GULP1: variants seen among roughly 807,000 people sequenced by gnomAD.
GULP1 encodes PTB domain-containing engulfment adapter protein 1.
Under a neutral mutation model 40.9 loss-of-function variants are expected in GULP1, and 19 were observed. The ratio of observed to expected loss-of-function variants is 0.46; its 90% CI spans 0.32 to 0.68. The LOEUF (loss-of-function observed/expected upper bound fraction) is 0.68. Ranked by LOEUF, GULP1 falls within the 30% of genes least tolerant of loss-of-function variation. The pLI, the probability that GULP1 is intolerant of heterozygous loss-of-function variation, is 0.03. For synonymous variants in GULP1, 119 were observed against 117.6 expected, an observed-to-expected ratio of 1.01 and a Z score of -0.08; for missense variants, 312 against 362.2, an observed-to-expected ratio of 0.86 and a Z score of 1.12.
chr2:188,586,933 G>A (rs996206367), intron 10 of GULP1, among the ~76,000 whole-genome samples: 1 of 151,638 alleles, frequency 6.6e-6, no homozygotes, highest in Non-Finnish European at 1.5e-5. Context: ...TGTGCACATT[G>A]TGCAGGTTAG....
intron 4 of GULP1, among the ~76,000 whole-genome samples, chr2:188,511,910 T>C (rs939403180): frequency 2.6e-5 from 4 of 152,206 alleles, no homozygotes; most frequent in Admixed American, 2.6e-4. Context: ...ATTTAAAGTA[T>C]AACCTTTTGT....
chr2:188,553,418 G>A (rs1407455225), intron 7 of GULP1, among the ~76,000 whole-genome samples: 3 of 152,010 alleles, frequency 2.0e-5, no homozygotes, highest in Non-Finnish European at 4.4e-5. Context: ...TGTCTATTGA[G>A]ATGATTATTT....
chr2:188,377,631 G>A (rs1303030876), intron 1 of GULP1, among the ~76,000 whole-genome samples: 1 of 152,080 alleles, frequency 6.6e-6, no homozygotes, highest in African/African-American at 2.4e-5. Context: ...CCAAACTTTC[G>A]ATTAGGGATT....
In GULP1 at chr2:188,329,787, G is replaced by A. The variant is rs575847628; in HGVS notation, c.-172+37621G>A. Among the ~76,000 whole-genome samples, 30 of 152,246 alleles carry A rather than the reference G, an allele frequency of 2.0e-4. No individual in the cohort carries two copies. In the South Asian group the frequency reaches 5.8e-3, roughly 29 times the overall value. On this transcript the variant is annotated intron_variant, in intron 1 of 11. Transcript: ENST00000409830. ...TGTAGAAGCAAAGATAGTGAGAAGC[G>A]ATGGGGTTCGTGATGTATTTTGGCA...
intron 2 of GULP1, among the ~76,000 whole-genome samples, chr2:188,476,608 T>G (rs2061031738): frequency 6.6e-6 from 1 of 152,088 alleles, no homozygotes; most frequent in African/African-American, 2.4e-5. Context: ...AGCAAAATAT[T>G]TTAATTCTAA....
intron 7 of GULP1, among the ~76,000 whole-genome samples, chr2:188,565,207 A>G (rs2153421977): frequency 1.3e-5 from 2 of 152,156 alleles, no homozygotes; most frequent in East Asian, 3.9e-4. Context: ...AATGGACTTT[A>G]TCAAAAATAA....
intron 2 of GULP1, among the ~76,000 whole-genome samples, chr2:188,444,604 C>T (rs1045287741): frequency 6.6e-5 from 10 of 152,212 alleles, no homozygotes; most frequent in Admixed American, 2.0e-4. Context: ...CTTTCTCTCA[C>T]AGCCACTTGG....
intron 4 of GULP1, among the ~76,000 whole-genome samples, chr2:188,513,622 T>C (rs1010319173): frequency 6.6e-6 from 1 of 152,152 alleles, no homozygotes; most frequent in Non-Finnish European, 1.5e-5. Flanking sequence ...GTGTTCTCAT[T>C]TTTCTTAGTG....
intron 7 of GULP1, among the ~76,000 whole-genome samples, chr2:188,544,833 T>C (rs1336609232): frequency 6.6e-6 from 1 of 152,006 alleles, no homozygotes; most frequent in Non-Finnish European, 1.5e-5. Flanking sequence ...AGAATATTAG[T>C]TGAAAACTTT....
At chr2:188,517,118 A>T (rs922030773) in intron 4 of GULP1, among the ~76,000 whole-genome samples, 4 of 151,008 alleles carry the variant, frequency 2.6e-5, no homozygotes, top group African/African-American at 9.7e-5. Flanking sequence ...ATAAAACATT[A>T]TTTTTTTTTA....
intron 1 of GULP1, among the ~76,000 whole-genome samples, chr2:188,364,948 A>ATATATGTGTATATATGAT (rs1388052057): frequency 5.2e-4 from 79 of 151,924 alleles, no homozygotes; most frequent in Non-Finnish European, 9.9e-4. Flanking sequence ...ATATACACAC[A>ATATATGTGTATATATGAT]CACACTTGGG....
At chr2:188,369,051 C>A (rs922830822) in intron 1 of GULP1, among the ~76,000 whole-genome samples, 53 of 148,274 alleles carry the variant, frequency 3.6e-4, no homozygotes, top group Non-Finnish European at 1.2e-4. Context: ...CAACCTGCCT[C>A]CTAGATTCAA....
At chr2:188,366,742 C>T (rs530429128) in intron 1 of GULP1, among the ~76,000 whole-genome samples, 96 of 151,908 alleles carry the variant, frequency 6.3e-4, no homozygotes, top group African/African-American at 2.1e-3. Flanking sequence ...TACAGGCGCC[C>T]GCCACCATGC....
At chr2:188,400,258 C>G (rs967007440) in intron 2 of GULP1, among the ~76,000 whole-genome samples, 1 of 152,100 alleles carries the variant, frequency 6.6e-6, no homozygotes, top group Non-Finnish European at 1.5e-5. Context: ...ATTCTTTCCT[C>G]TTCTTATAAA....
intron 2 of GULP1, among the ~76,000 whole-genome samples, chr2:188,435,237 A>T (rs113184082): frequency 2.4e-4 from 37 of 152,096 alleles, no homozygotes; most frequent in African/African-American, 7.5e-4. Flanking sequence ...AATTCATATG[A>T]CTCAGATTGT....
At chr2:188,554,855 G>A (rs1024257374) in intron 7 of GULP1, among the ~76,000 whole-genome samples, 9 of 151,856 alleles carry the variant, frequency 5.9e-5, no homozygotes, top group African/African-American at 2.2e-4. Flanking sequence ...TTTTAAAATT[G>A]TTATATCGTC....
chr2:188,409,876 G>A (rs961148958), intron 2 of GULP1, among the ~76,000 whole-genome samples: 1 of 152,086 alleles, frequency 6.6e-6, no homozygotes, highest in East Asian at 1.9e-4. Context: ...AACAGCAAAA[G>A]ACCTTGAATA....
intron 11 of GULP1, 64 bp from the exon 12 acceptor site, chr2:188,593,876 T>G (rs1380990032): frequency 2.2e-6 from 2 of 898,508 alleles, no homozygotes; most frequent in Admixed American, 3.7e-5. Flanking sequence ...ATAGTCTTTT[T>G]TATTCACTGA....
chr2:188,370,999 A>T (rs193285523), intron 1 of GULP1, among the ~76,000 whole-genome samples: 379 of 152,230 alleles, frequency 2.5e-3, no homozygotes, highest in Non-Finnish European at 4.0e-3. Flanking sequence ...TCTATTGAGC[A>T]TTTACTATTT....
Sources: allele counts gnomAD v4.1 joint callset (sites outside exome capture counted in the v4.1 genomes callset), GRCh38; gene constraint gnomAD v4.1.1; transcripts MANE v1.5; gene names NCBI Gene and HGNC (gene_info 2026-07-23, HGNC 2026-07-21).